The following PARP2 variants were observed in gnomAD, a reference collection of about 807,000 sequenced individuals.
PARP2 encodes the protein poly(ADP-ribose) polymerase 2.
A neutral mutation model predicts 77.8 loss-of-function variants in PARP2; 57 were observed. The ratio of observed to expected loss-of-function variants is 0.73; its 90% CI spans 0.59 to 0.91. The LOEUF is 0.91. Ranked by LOEUF, PARP2 falls within the 40% of genes least tolerant of loss-of-function variation. The pLI is 0.00. For missense variants in PARP2, 651 were observed against 689.0 expected, an observed-to-expected ratio of 0.94 and a Z score of 0.62; for synonymous variants, 226 against 242.6, an observed-to-expected ratio of 0.93 and a Z score of 0.64.
intron 4 of PARP2, among the ~76,000 whole-genome samples, chr14:20,348,459 G>A (rs1356683885): frequency 6.7e-6 from 1 of 149,834 alleles, no homozygotes; most frequent in Non-Finnish European, 1.5e-5. Context: ...CCTTGAACTT[G>A]TGACCTCGTG....
chr14:20,345,403 A>C lies in PARP2; in HGVS notation c.212A>C (p.Lys71Thr). 1 of 1,613,530 alleles carries C rather than the reference A, an allele frequency of 6.2e-7. No homozygotes were observed. The highest frequency in any genetic ancestry group is 8.5e-7 in the Non-Finnish European group (1 of 1,179,488). The change falls in exon 3 of 16, where the codon AAG becomes ACG. Residue 71 changes from lysine to threonine, a missense_variant. Physicochemically the swap from Lys to Thr is moderately conservative, Grantham distance 78. Coordinates refer to ENST00000429687, the MANE Select transcript of PARP2 (RefSeq NM_001042618.2). Reference protein sequence around the residue: ...RTEDKQDESVKALLLKGKAPV... With the variant: ...RTEDKQDESVTALLLKGKAPV... The stretch of plus-strand genomic sequence containing the variant: ...ATCTGTCTTTCCTCAGAATCTGTGA[A>C]GGCCTTGCTGTTAAAGGGCAAAGCT...
rs758373838 is a variant in PARP2 at position 20,356,642 on chromosome 14, C to T, written c.1282C>T (p.His428Tyr). ...GAGTAACTGGGTGGGAATCTTGAGCCATGGGCTTCGAATTGCCCCACCTGA... is the reference window on the plus strand; with the variant it reads ...GAGTAACTGGGTGGGAATCTTGAGCTATGGGCTTCGAATTGCCCCACCTGA... Reference protein sequence around the residue: ...RMSNWVGILSHGLRIAPPEAP... With the variant: ...RMSNWVGILSYGLRIAPPEAP... The change falls in exon 13 of 16, where the codon CAT becomes TAT. Residue 428 changes from histidine to tyrosine, a missense_variant. By Grantham distance (83) the His-to-Tyr change is moderately conservative. Transcript: ENST00000429687. 2 of 1,614,150 alleles carry T rather than the reference C, an allele frequency of 1.2e-6. No homozygotes were observed. The highest frequency in any genetic ancestry group is 1.6e-4 in the Middle Eastern group (1 of 6,062).
Position 20,354,240 on chromosome 14 carries a change from C to G in PARP2, c.756C>G (p.Ala252=). 1 of 1,612,350 alleles carries G rather than the reference C, an allele frequency of 6.2e-7. No homozygotes were observed. The highest frequency in any genetic ancestry group is 1.1e-5 in the South Asian group (1 of 90,784). Residue 252 remains alanine, a synonymous_variant, in exon 8 of 16, where the codon GCC becomes GCG. Transcript: ENST00000429687. Reference sequence around the variant, plus strand: ...AAATGAAGTATAATACCAAGAAAGCCCCACTTGGTAGGACTTCACATTTTC... The same window carrying G: ...AAATGAAGTATAATACCAAGAAAGCGCCACTTGGTAGGACTTCACATTTTC... The part of the protein sequence containing the change: ...MMEMKYNTKK[A]PLGKLTVAQI...
At chr14:20,350,318 C>T (rs1486069866) in intron 4 of PARP2, among the ~76,000 whole-genome samples, 2 of 152,176 alleles carry the variant, frequency 1.3e-5, no homozygotes, top group Non-Finnish European at 2.9e-5. Context: ...TCTAGGCTCC[C>T]ACTTTAATTC....
Position 20,357,106 on chromosome 14 carries a change from T to C in PARP2, c.1385T>C (p.Phe462Ser), listed in dbSNP as rs762551959. Residue 462 changes from phenylalanine to serine, a missense_variant, in exon 14 of 16, where the codon TTT becomes TCT. Physicochemically the swap from Phe to Ser is radical, Grantham distance 155. Transcript: ENST00000429687. ...DMSSKSANYC[F>S]ASRLKNTGLL... ...TCTTCCAAGAGTGCCAATTACTGCT[T>C]TGCCTCTCGCCTAAAGAATACAGGA... The C allele has an allele frequency of 1.9e-5, 30 of 1,613,468 alleles. No individual in the cohort carries two copies. The highest frequency in any genetic ancestry group is 2.5e-5 in the Non-Finnish European group (29 of 1,179,390).
At chr14:20,354,667 C>A in intron 8 of PARP2, 142 bp from the exon 9 acceptor site, 1 of 794,390 alleles carries the variant, frequency 1.3e-6, no homozygotes, top group Non-Finnish European at 2.0e-6. Context: ...GGCACTCAGC[C>A]TGGGCAACAG....
At chr14:20,356,539 T>C (rs1417874147) in intron 12 of PARP2, 51 bp from the exon 13 acceptor site, 1 of 1,598,026 alleles carries the variant, frequency 6.3e-7, no homozygotes, top group Non-Finnish European at 8.6e-7. Flanking sequence ...TTTATGCTTA[T>C]GGCCTATCTG....
Position 20,343,646 on chromosome 14 carries a change from C to G in PARP2, c.5C>G (p.Ala2Gly). The G allele has an allele frequency of 6.2e-7, 1 of 1,609,684 alleles. No individual in the cohort carries two copies. Among genetic ancestry groups the G allele is most frequent in the Non-Finnish European group, 8.5e-7 (1 of 1,178,738 alleles). Residue 2 changes from alanine (A) to glycine (G), a missense_variant, in exon 1 of 16, where the codon GCG becomes GGG. Physicochemically the swap from Ala to Gly is moderately conservative, Grantham distance 60 (BLOSUM62 0). Transcript: ENST00000429687. M[A>G]ARRRRSTGGG... ...TGACGTCAGCGTTCGAATTCCATGG[C>G]GGCGCGGCGGCGACGGAGCACCGGC...
rs2275010 is a variant in PARP2 at position 20,355,802 on chromosome 14, T to C, written c.953T>C (p.Ile318Thr). ...IRTQKELSEK[I>T]QLLEALGDIE... is the part of the protein sequence containing the mutation. The stretch of plus-strand genomic sequence containing the variant: ...ACACAGAAGGAACTGTCAGAAAAAA[T>C]ACAATTACTAGAGGTGAGATATGTA... The change falls in exon 10 of 16, where the codon ATA becomes ACA. Residue 318 changes from isoleucine (I) to threonine (T), a missense_variant. Ile to Thr is a moderately conservative substitution (Grantham distance 89). Coordinates refer to ENST00000429687, the MANE Select transcript of PARP2 (RefSeq NM_001042618.2). The C allele has an allele frequency of 1.1e-5, 18 of 1,613,712 alleles. No homozygotes were observed. In the East Asian group the frequency reaches 3.8e-4, roughly 34 times the overall value.
At chr14:20,353,855 A>G (rs1884046505) in intron 7 of PARP2, among the ~76,000 whole-genome samples, 1 of 152,126 alleles carries the variant, frequency 6.6e-6, no homozygotes, top group African/African-American at 2.4e-5. Flanking sequence ...CAGAACTTGG[A>G]TGGTCAACCC....
At position 20,357,472 on chromosome 14, in the gene PARP2, C is replaced by T. The variant is rs1457230647; in HGVS notation, c.1505C>T (p.Thr502Ile). 2.5e-6 allele frequency: 4 copies of T among 1,613,788 alleles called. No homozygotes were observed. The African/African-American group carries it at 5.3e-5, about 22-fold the overall frequency. ...GGATTGCTTCAAGGTAAACATAGCA[C>T]CAAGGGGCTGGGCAAGATGGCTCCC... ...AEGLLQGKHSTKGLGKMAPSS... is the reference protein window; with the variant it reads ...AEGLLQGKHSIKGLGKMAPSS... Residue 502 changes from threonine to isoleucine, a missense_variant, in exon 15 of 16, where the codon ACC (threonine) becomes ATC (isoleucine). Physicochemically the swap from Thr to Ile is moderately conservative, Grantham distance 89. Coordinates refer to ENST00000429687, the MANE Select transcript of PARP2 (RefSeq NM_001042618.2).
In PARP2 at chr14:20,355,889, C is replaced by T. The variant is rs1429347911; in HGVS notation, c.967-8C>T. On this transcript the variant is annotated splice_region_variant and splice_polypyrimidine_tract_variant and intron_variant, in intron 10 of 15. Transcript: ENST00000429687. Reference sequence around the variant, plus strand: ...CTCCCACATTGATTCTATATCTCATCTTCTCAGGCTTTGGGAGACATTGAA... The same window carrying T: ...CTCCCACATTGATTCTATATCTCATTTTCTCAGGCTTTGGGAGACATTGAA... The T allele has an allele frequency of 3.0e-5, 48 of 1,613,956 alleles. No individual in the cohort carries two copies. The highest frequency in any genetic ancestry group is 3.6e-5 in the Non-Finnish European group (42 of 1,179,940).
At position 20,351,069 on chromosome 14, in the gene PARP2, C is replaced by T; in HGVS notation, c.444C>T (p.Ser148=). The T allele has an allele frequency of 1.2e-6, 2 of 1,613,968 alleles. No individual in the cohort carries two copies. Among genetic ancestry groups the T allele is most frequent in the Non-Finnish European group, 1.7e-6 (2 of 1,179,898 alleles). The change falls in exon 6 of 16, where the codon AGC becomes AGT. Residue 148 remains serine (S), a synonymous_variant. Coordinates refer to ENST00000429687, the MANE Select transcript of PARP2 (RefSeq NM_001042618.2). The part of the protein sequence containing the change: ...WGRVGKMGQH[S]LVACSGNLNK... ...CAGTTGGGAAAATGGGACAGCACAG[C>T]CTGGTGGCTTGTTCAGGCAATCTCA...
rs1883600244 is a variant in PARP2 at position 20,343,701 on chromosome 14, T to C, written c.46+14T>C. ...GCAGGGCGAGAGGTTCGGAGCTCAA[T>C]ATCGCGGGACGGCATGCGGGGGGCG... On this transcript the variant is annotated intron_variant, in intron 1 of 15. Coordinates refer to ENST00000429687, the MANE Select transcript of PARP2 (RefSeq NM_001042618.2). The C allele has an allele frequency of 3.1e-6, 5 of 1,608,808 alleles. No individual in the cohort carries two copies. The East Asian group carries it at 6.7e-5, about 22-fold the overall frequency.
chr14:20,348,809 C>T (rs1020625026), intron 4 of PARP2, among the ~76,000 whole-genome samples: 3 of 151,384 alleles, frequency 2.0e-5, no homozygotes, highest in Non-Finnish European at 4.4e-5. Context: ...CACCTGAGGT[C>T]GGGAGTTCAA....
chr14:20,345,131 G>C, intron 2 of PARP2, 44 bp downstream of exon 2: 1 of 1,603,366 alleles, frequency 6.2e-7, no homozygotes, highest in Non-Finnish European at 8.5e-7. Flanking sequence ...TCTCTGGTAG[G>C]AGTGGATCTG....
In PARP2 at chr14:20,346,898, T is replaced by A; in HGVS notation, c.309T>A (p.Asp103Glu). 1.2e-6 allele frequency: 2 copies of A among 1,607,016 alleles called. No individual in the cohort carries two copies. Among genetic ancestry groups the A allele is most frequent in the Middle Eastern group, 1.7e-4 (1 of 6,046 alleles). Residue 103 changes from aspartate to glutamate, a missense_variant, in exon 4 of 16, where the codon GAT becomes GAA. Physicochemically the swap from Asp to Glu is conservative, Grantham distance 45 (BLOSUM62 2). Coordinates refer to ENST00000429687, the MANE Select transcript of PARP2 (RefSeq NM_001042618.2). The part of the protein sequence containing the change: ...HVYCEGNDVY[D>E]VMLNQTNLQF... ...ATTGTGAAGGAAATGATGTCTATGATGTCATGCTAAATCAGGTAAGAGGCA... is the reference window on the plus strand; with the variant it reads ...ATTGTGAAGGAAATGATGTCTATGAAGTCATGCTAAATCAGGTAAGAGGCA...
chr14:20,357,387 G>T lies in PARP2; in HGVS notation c.1429-9G>T. On this transcript the variant is annotated splice_polypyrimidine_tract_variant and intron_variant, in intron 14 of 15. Coordinates refer to ENST00000429687, the MANE Select transcript of PARP2 (RefSeq NM_001042618.2). ...GGATATGGGAATTCAAAGGTTTTTT[G>T]CTTTGCAGGTAGCTCTAGGTCAGTG... 6.3e-7 allele frequency: 1 copy of T among 1,585,490 alleles called. No individual in the cohort carries two copies. Among genetic ancestry groups the T allele is most frequent in the Non-Finnish European group, 8.5e-7 (1 of 1,170,196 alleles).
At chr14:20,347,666 C>T (rs997322475) in intron 4 of PARP2, among the ~76,000 whole-genome samples, 24 of 151,302 alleles carry the variant, frequency 1.6e-4, no homozygotes, top group Non-Finnish European at 2.2e-4. Context: ...CCACCTCACC[C>T]TCCCAAAGTG....
Sources: allele counts gnomAD v4.1 joint callset (sites outside exome capture counted in the v4.1 genomes callset), GRCh38; gene constraint gnomAD v4.1.1; transcripts MANE v1.5; gene names NCBI Gene and HGNC (gene_info 2026-07-23, HGNC 2026-07-21).